PKHD1: variants seen among roughly 807,000 people sequenced by gnomAD.
PKHD1 encodes the protein PKHD1 ciliary IPT domain containing fibrocystin/polyductin.
PKHD1 carries 291 observed loss-of-function variants against 412.0 expected under a neutral mutation model. The ratio of observed to expected loss-of-function variants is 0.71; its 90% CI spans 0.64 to 0.78. PKHD1 has a LOEUF of 0.78. Among genes scored for constraint, PKHD1 ranks in the 30% least tolerant of loss-of-function variants. The pLI, the probability that PKHD1 is intolerant of heterozygous loss-of-function variation, is 0.00. For missense variants in PKHD1, 4,825 were observed against 4,950.7 expected, an observed-to-expected ratio of 0.97 and a Z score of 0.76; for synonymous variants, 1,777 against 1,821.5, an observed-to-expected ratio of 0.98 and a Z score of 0.62.
chr6:51,628,955 G>A (rs577022821), intron 65 of PKHD1, among the ~76,000 whole-genome samples: 1 of 152,112 alleles, frequency 6.6e-6, no homozygotes, highest in Non-Finnish European at 1.5e-5. Context: ...ACAATAACAA[G>A]CAATTGTGAA....
chr6:51,929,433 C>A (rs1786229260), intron 37 of PKHD1, among the ~76,000 whole-genome samples: 1 of 152,136 alleles, frequency 6.6e-6, no homozygotes, highest in Non-Finnish European at 1.5e-5. Flanking sequence ...AAATCAATTA[C>A]TTGAGCAATT....
intron 21 of PKHD1, among the ~76,000 whole-genome samples, chr6:52,050,905 G>T (rs1192393826): frequency 3.3e-5 from 5 of 152,210 alleles, no homozygotes; most frequent in African/African-American, 1.2e-4. Flanking sequence ...ATGCATGATT[G>T]ATAGCAATCA....
chr6:52,042,984 C>G lies in PKHD1; in HGVS notation c.2972G>C (p.Gly991Ala). 1.2e-6 allele frequency: 2 copies of G among 1,614,048 alleles called. No homozygotes were observed. The highest frequency in any genetic ancestry group is 2.2e-5 in the East Asian group (1 of 44,878). Residue 991 changes from glycine to alanine, a missense_variant, in exon 27 of 67, where the codon GGA becomes GCA. Transcript: ENST00000371117. ...VVCQTDLLPV[G>A]MHRILMLVRP... ...CACCAACATCAAGATCCGATGCATT[C>G]CAACAGGTAGCAAATCTGTCTGACA... is the stretch of plus-strand genomic sequence containing the variant.
intron 63 of PKHD1, among the ~76,000 whole-genome samples, chr6:51,646,747 A>G (rs1156234966): frequency 1.3e-5 from 2 of 152,178 alleles, no homozygotes; most frequent in Non-Finnish European, 1.5e-5. Flanking sequence ...CTTTACTCCT[A>G]GTAGATTCTG....
intron 36 of PKHD1, among the ~76,000 whole-genome samples, chr6:51,950,235 A>ATATATATG: frequency 6.9e-6 from 1 of 144,328 alleles, no homozygotes; most frequent in African/African-American, 2.6e-5. Flanking sequence ...ATATATATAT[A>ATATATATG]TATATGAAAT....
rs746471701 is a variant in PKHD1, at chr6:51,632,706, G to A, written c.11524C>T (p.Arg3842Ter). Reference protein sequence around the residue: ...TSPPGVNFTARSKPFAVLPVT... With the variant: ...TSPPGVNFTA ...GGCAAGACAGCAAATGGCTTGGATC[G>A]AGCTGTAAAATTGACTCCTGTGGCG... Residue 3842 changes from arginine to a stop codon, truncating the protein, a stop_gained, in exon 65 of 67, where the codon CGA becomes TGA. Coordinates refer to ENST00000371117, the MANE Select transcript of PKHD1 (RefSeq NM_138694.4). LOFTEE classifies it high-confidence loss of function. The A allele has an allele frequency of 6.8e-6, 11 of 1,613,098 alleles. No homozygotes were observed. The highest frequency in any genetic ancestry group is 1.6e-4 in the Middle Eastern group (1 of 6,076).
chr6:51,885,934 CA>C lies in PKHD1; in HGVS notation c.7147del (p.Trp2383GlyfsTer32). ...CAGAGTGGTGCCAGTGACATTATCC[CA>C]AGGTGGCTGAAATTTAGGGTATACA... The part of the protein sequence containing the change: ...LFVYPKFQPP[W>X]DNVTGTTLFQ... On this transcript the variant is annotated frameshift_variant, in exon 45 of 67. Coordinates refer to ENST00000371117, the MANE Select transcript of PKHD1 (RefSeq NM_138694.4). LOFTEE classifies it high-confidence loss of function. The C allele has an allele frequency of 6.2e-7, 1 of 1,613,140 alleles. No individual in the cohort carries two copies. The highest frequency in any genetic ancestry group is 8.5e-7 in the Non-Finnish European group (1 of 1,179,214).
In PKHD1 at chr6:51,616,369, G is replaced by A. The variant is rs1766065171; in HGVS notation, c.*2712C>T. 3.5e-6 allele frequency: 1 copy of A among 288,058 alleles called. No homozygotes were observed. Among genetic ancestry groups the A allele is most frequent in the South Asian group, 1.6e-4 (1 of 6,072 alleles). 17.8% of individuals were successfully genotyped at this position (288,058 alleles called of 1,614,324 possible). ...CTCAATATTTATTTAGATAAAGGGTGTAGATTGTCACTGCTGGGAAATATT... is the reference window on the plus strand; with the variant it reads ...CTCAATATTTATTTAGATAAAGGGTATAGATTGTCACTGCTGGGAAATATT... On this transcript the variant is annotated 3_prime_UTR_variant, in exon 67 of 67. Transcript: ENST00000371117.
chr6:51,854,949 T>C (rs974782149), intron 49 of PKHD1, among the ~76,000 whole-genome samples: 1 of 152,212 alleles, frequency 6.6e-6, no homozygotes, highest in Non-Finnish European at 1.5e-5. Context: ...CTGCAGCCAG[T>C]GCTGGTCGCC....
chr6:51,676,600 ACCT>A (rs143121966), intron 60 of PKHD1, among the ~76,000 whole-genome samples: 20,351 of 152,098 alleles, frequency 0.13, 1,865 homozygotes, highest in Admixed American at 0.32. Context: ...CAACATTTAT[ACCT>A]CATTTGATTT....
At chr6:51,690,191 G>GAAC (rs922225166) in intron 60 of PKHD1, among the ~76,000 whole-genome samples, 8 of 145,376 alleles carry the variant, frequency 5.5e-5, no homozygotes, top group Admixed American at 7.6e-5. Context: ...AGAATCGCTT[G>GAAC]AACTCGGGAG....
chr6:51,781,049 A>C (rs1791919358), intron 53 of PKHD1, among the ~76,000 whole-genome samples: 1 of 152,112 alleles, frequency 6.6e-6, no homozygotes, highest in Admixed American at 6.6e-5. Flanking sequence ...TTTACTTTGG[A>C]AGTTGAGCTT....
At chr6:51,724,382 T>C (rs1392619384) in intron 60 of PKHD1, among the ~76,000 whole-genome samples, 1 of 152,192 alleles carries the variant, frequency 6.6e-6, no homozygotes, top group Admixed American at 6.6e-5. Context: ...CTCTTTCCTA[T>C]AAAGAAGGTA....
chr6:51,977,647 T>C (rs753610634), intron 35 of PKHD1, among the ~76,000 whole-genome samples: 3 of 152,214 alleles, frequency 2.0e-5, no homozygotes, highest in African/African-American at 2.4e-5. Context: ...GTTTAGTATA[T>C]TGTAGTATTT....
chr6:52,024,878 C>G lies in PKHD1; in HGVS notation c.4932G>C (p.Trp1644Cys). The G allele has an allele frequency of 6.2e-7, 1 of 1,614,174 alleles. No individual in the cohort carries two copies. Among genetic ancestry groups the G allele is most frequent in the East Asian group, 2.2e-5 (1 of 44,878 alleles). ...TATAACCAATGACTCCTATGTGATA[C>G]CAAAGTCCATCTACCTCTATTTCCA... The part of the protein sequence containing the change: ...VALEIEVDGL[W>C]YHIGVIGYNK... Residue 1644 changes from tryptophan (W) to cysteine (C), a missense_variant, in exon 32 of 67, where the codon TGG becomes TGC. Coordinates refer to ENST00000371117, the MANE Select transcript of PKHD1 (RefSeq NM_138694.4).
At chr6:51,720,344 G>A (rs192696881) in intron 60 of PKHD1, among the ~76,000 whole-genome samples, 2 of 152,168 alleles carry the variant, frequency 1.3e-5, no homozygotes, top group East Asian at 3.9e-4. Flanking sequence ...GTCCCACAGG[G>A]CTCCTCAGGA....
chr6:52,035,591 C>T lies in PKHD1; in HGVS notation c.3228G>A (p.Arg1076=). The T allele has an allele frequency of 6.2e-7, 1 of 1,613,606 alleles. No homozygotes were observed. Among genetic ancestry groups the T allele is most frequent in the South Asian group, 1.1e-5 (1 of 91,074 alleles). Reference sequence around the variant, plus strand: ...AGAGATATGAAAGGAATCCACTTACCCTGGGTGGAACTTTGCACTGAATTC... The same window carrying T: ...AGAGATATGAAAGGAATCCACTTACTCTGGGTGGAACTTTGCACTGAATTC... The part of the protein sequence containing the change: ...SSRIQCKVPP[R]GKDGRIVNVT... The change falls in exon 28 of 67, where the codon AGG becomes AGA. Residue 1076 remains arginine, a splice_region_variant and synonymous_variant. Transcript: ENST00000371117.
intron 37 of PKHD1, among the ~76,000 whole-genome samples, chr6:51,928,781 G>T (rs1050623728): frequency 4.6e-5 from 7 of 152,136 alleles, no homozygotes; most frequent in African/African-American, 7.2e-5. Flanking sequence ...GTCAATACAT[G>T]CAGAGACAGC....
chr6:51,716,912 AAG>A, intron 60 of PKHD1, among the ~76,000 whole-genome samples: 1 of 152,090 alleles, frequency 6.6e-6, no homozygotes, highest in East Asian at 1.9e-4. Context: ...AGAAAAGAAA[AAG>A]AGAGAGGGCA....
Sources: allele counts gnomAD v4.1 joint callset (sites outside exome capture counted in the v4.1 genomes callset), GRCh38; gene constraint gnomAD v4.1.1; transcripts MANE v1.5; gene names NCBI Gene and HGNC (gene_info 2026-07-23, HGNC 2026-07-21).